MBNL1: variants seen among roughly 807,000 people sequenced by gnomAD.
The protein encoded by MBNL1 is muscleblind like splicing regulator 1, also known as muscleblind-like protein 1.
A neutral mutation model predicts 42.2 loss-of-function variants in MBNL1; 8 were observed. That is an observed-to-expected ratio of 0.19 (90% CI 0.11 to 0.34). MBNL1 has a LOEUF of 0.34. Among genes scored for constraint, MBNL1 ranks in the 10% least tolerant of loss-of-function variants. The pLI, the probability that MBNL1 is intolerant of heterozygous loss-of-function variation, is 1.00. For synonymous variants in MBNL1, 169 were observed against 173.9 expected, an observed-to-expected ratio of 0.97 and a Z score of 0.22; for missense variants, 309 against 495.3, an observed-to-expected ratio of 0.62 and a Z score of 3.57.
upstream of MBNL1, chr3:152,243,700 G>A (rs768079548): frequency 2.0e-5 from 3 of 152,044 alleles, no homozygotes; most frequent in Non-Finnish European, 4.4e-5. Context: ...ATATCAGCTG[G>A]ACAGTTTTCT....
chr3:152,375,873 A>G (rs2096876858), intron 2 of MBNL1, among the ~76,000 whole-genome samples: 2 of 152,162 alleles, frequency 1.3e-5, no homozygotes, highest in African/African-American at 2.4e-5. Context: ...CCATCTTGAA[A>G]GGAATATTTT....
chr3:152,286,460 A>ATATATTTTAATTATAATATAAATATT lies in MBNL1; in HGVS notation c.-789-12936_-789-12935insATTATAATATAAATATTTATATTTTA, dbSNP rs2052138859. The stretch of plus-strand genomic sequence containing the variant: ...TATTTATATTTTATTTATAATATAA[A>ATATATTTTAATTATAATATAAATATT]TATATTTTATTTATAATATAAATAT... On this transcript the variant is annotated intron_variant, in intron 1 of 9. Transcript: ENST00000324210. Among the ~76,000 whole-genome samples the ATATATTTTAATTATAATATAAATATT allele has an allele frequency of 7.0e-5, 3 of 43,060 alleles. 1 individual carries two copies. Among genetic ancestry groups the ATATATTTTAATTATAATATAAATATT allele is most frequent in the Non-Finnish European group, 1.4e-4 (3 of 21,470 alleles). The allele number at this position is 43,060 out of a possible 152,430, so 28.2% of individuals were successfully genotyped here.
upstream of MBNL1, chr3:152,265,846 C>T (rs1283336333): frequency 6.6e-6 from 1 of 152,128 alleles, no homozygotes; most frequent in African/African-American, 2.4e-5. Flanking sequence ...GTAGACTATA[C>T]ACTTCACAGA....
At position 152,426,324 on chromosome 3, in the gene MBNL1, C is replaced by A. The variant is rs2098930899; in HGVS notation, c.346-6393C>A. 2.0e-5 allele frequency among the ~76,000 whole-genome samples: 3 copies of A among 152,092 alleles called. No homozygotes were observed. In the South Asian group the frequency reaches 6.2e-4, roughly 31 times the overall value. ...CCATGTAACAAACCTGCACGTTCTG[C>A]ACATGTATCCCAGAATTTAAAGTAT... On this transcript the variant is annotated intron_variant, in intron 3 of 9. Coordinates refer to ENST00000324210, the MANE Select transcript of MBNL1 (RefSeq NM_021038.5).
At chr3:152,422,719 G>A (rs2098827408) in intron 3 of MBNL1, among the ~76,000 whole-genome samples, 2 of 152,146 alleles carry the variant, frequency 1.3e-5, no homozygotes, top group South Asian at 2.1e-4. Context: ...TCCTCAAAAG[G>A]TGCAAAAGAA....
At chr3:152,338,345 C>G in intron 2 of MBNL1, 1 of 985,404 alleles carries the variant, frequency 1.0e-6, no homozygotes, top group Non-Finnish European at 1.2e-6. Flanking sequence ...TGTCCATTGA[C>G]AGAACCTTGG....
chr3:152,282,538 C>T (rs975359010), intron 1 of MBNL1, among the ~76,000 whole-genome samples: 8 of 152,076 alleles, frequency 5.3e-5, no homozygotes, highest in Non-Finnish European at 1.0e-4. Flanking sequence ...ATATTGAATA[C>T]ATAATGGTAA....
At chr3:152,404,025 G>A (rs1001147823) in intron 2 of MBNL1, among the ~76,000 whole-genome samples, 5 of 152,130 alleles carry the variant, frequency 3.3e-5, no homozygotes, top group African/African-American at 1.2e-4. Context: ...CCTTTTCTTC[G>A]TGCTCTGTCA....
intron 2 of MBNL1, among the ~76,000 whole-genome samples, chr3:152,376,423 C>T (rs2153347869): frequency 6.6e-6 from 1 of 152,202 alleles, no homozygotes; most frequent in African/African-American, 2.4e-5. Context: ...ATAGTTTTCT[C>T]TTCATAGTTA....
rs938417652 is a variant in MBNL1, at chr3:152,410,317, A to G, written c.175-4624A>G. ...TCTTAAATTCACAATCGAACAACTT[A>G]CAACTTCAGAAATTACTCGATGAAT... On this transcript the variant is annotated intron_variant, in intron 2 of 9. Transcript: ENST00000324210. Among the ~76,000 whole-genome samples, 3 of 152,326 alleles carry G rather than the reference A, an allele frequency of 2.0e-5. No individual in the cohort carries two copies. In the East Asian group the frequency reaches 5.8e-4, roughly 29 times the overall value.
Position 152,431,018 on chromosome 3 carries a change from T to G in MBNL1, c.346-1699T>G, listed in dbSNP as rs376344005. Among the ~76,000 whole-genome samples the G allele has an allele frequency of 3.9e-4, 59 of 152,378 alleles. No individual in the cohort carries two copies. In the South Asian group the frequency reaches 0.012, roughly 32 times the overall value. ...TCAATGAATCACATTAGGTATTACATATTCTGTTTTTTCATATTTTTGTTA... is the reference window on the plus strand; with the variant it reads ...TCAATGAATCACATTAGGTATTACAGATTCTGTTTTTTCATATTTTTGTTA... On this transcript the variant is annotated intron_variant, in intron 3 of 9. Transcript: ENST00000324210.
At chr3:152,435,734 A>G (rs1207020631) in intron 4 of MBNL1, among the ~76,000 whole-genome samples, 1 of 152,004 alleles carries the variant, frequency 6.6e-6, no homozygotes, top group Non-Finnish European at 1.5e-5. Context: ...GTGTTTTGTC[A>G]TTCTCATTTT....
chr3:152,294,156 G>T (rs1330772701), intron 1 of MBNL1, among the ~76,000 whole-genome samples: 2 of 151,610 alleles, frequency 1.3e-5, no homozygotes, highest in Non-Finnish European at 1.5e-5. Context: ...ATTGGTTCTT[G>T]TGGCAGAATA....
chr3:152,317,774 G>C (rs748827448), intron 2 of MBNL1, among the ~76,000 whole-genome samples: 1 of 152,056 alleles, frequency 6.6e-6, no homozygotes, highest in Non-Finnish European at 1.5e-5. Context: ...ATCAAGTTCT[G>C]TTTTCAAATA....
intron 6 of MBNL1, among the ~76,000 whole-genome samples, chr3:152,449,921 A>G (rs1718650441): frequency 6.6e-6 from 1 of 152,066 alleles, no homozygotes; most frequent in South Asian, 2.1e-4. Flanking sequence ...CGTGGCCAAC[A>G]TGGCGAAACC....
intron 1 of MBNL1, among the ~76,000 whole-genome samples, chr3:152,284,033 A>C (rs932294147): frequency 3.3e-5 from 5 of 152,102 alleles, no homozygotes; most frequent in South Asian, 2.1e-4. Flanking sequence ...TTAAACATCA[A>C]ATTCTTAAAG....
intron 7 of MBNL1, among the ~76,000 whole-genome samples, chr3:152,455,939 C>T (rs1251421658): frequency 6.6e-6 from 1 of 152,094 alleles, no homozygotes; most frequent in Non-Finnish European, 1.5e-5. Flanking sequence ...TGTATTTTGA[C>T]TTAGATTTTG....
intron 3 of MBNL1, among the ~76,000 whole-genome samples, chr3:152,430,048 A>G (rs921673617): frequency 6.6e-6 from 1 of 152,180 alleles, no homozygotes; most frequent in African/African-American, 2.4e-5. Flanking sequence ...TGAAAGATCA[A>G]TTGTCTTGAT....
chr3:152,275,513 G>A (rs541767207), intron 1 of MBNL1, among the ~76,000 whole-genome samples: 41 of 151,916 alleles, frequency 2.7e-4, no homozygotes, highest in Admixed American at 1.8e-3. Flanking sequence ...GATTGAGGCC[G>A]TCTTGGCCAA....
Sources: gnomAD v4.1 joint callset for allele counts (sites outside exome capture counted in the v4.1 genomes callset) on GRCh38, gnomAD v4.1.1 for gene constraint, MANE v1.5 for transcripts, NCBI Gene and HGNC (gene_info 2026-07-23, HGNC 2026-07-21) for gene names.